Variants in DLGAP1 observed in about 807,000 individuals in gnomAD.
DLGAP1 encodes DLG associated protein 1.
Under a neutral mutation model 90.8 loss-of-function variants are expected in DLGAP1, and 11 were observed. The observed-to-expected ratio is 0.12, with a 90% confidence interval of 0.08 to 0.20. The LOEUF is 0.20. Ranked by LOEUF, DLGAP1 falls within the 10% of genes least tolerant of loss-of-function variation. The pLI is 1.00. For missense variants in DLGAP1, 1,050 were observed against 1,333.8 expected (o/e 0.79, Z 3.31); for synonymous variants, 558 against 540.7 (o/e 1.03, Z -0.44).
chr18:3,559,265 T>C (rs2053933731), intron 9 of DLGAP1, among the ~76,000 whole-genome samples: 1 of 152,188 alleles, frequency 6.6e-6, no homozygotes, highest in Admixed American at 6.5e-5. Context: ...ACATTTTATT[T>C]TCACATTGAA....
At chr18:4,453,121 G>A (rs1052182434) in intron 1 of DLGAP1, among the ~76,000 whole-genome samples, 3 of 152,008 alleles carry the variant, frequency 2.0e-5, no homozygotes, top group Admixed American at 2.0e-4. Flanking sequence ...TGCGACTAGG[G>A]GTATTGCAAG....
At chr18:3,851,150 T>G (rs1010987667) in intron 4 of DLGAP1, among the ~76,000 whole-genome samples, 5 of 152,084 alleles carry the variant, frequency 3.3e-5, no homozygotes, top group African/African-American at 1.2e-4. Flanking sequence ...GTTCTAGATA[T>G]AGCAGAACTC....
chr18:4,046,658 A>G (rs1437688648), intron 2 of DLGAP1, among the ~76,000 whole-genome samples: 2 of 152,266 alleles, frequency 1.3e-5, no homozygotes, highest in African/African-American at 4.8e-5. Flanking sequence ...TGTTCTCAAT[A>G]GATGTTTTTT....
intron 1 of DLGAP1, among the ~76,000 whole-genome samples, chr18:4,188,622 A>T (rs1420707080): frequency 6.6e-6 from 1 of 152,126 alleles, no homozygotes; most frequent in South Asian, 2.1e-4. Context: ...AGCTTCATCC[A>T]TGTCCCCGCA....
chr18:3,505,686 T>C, intron 11 of DLGAP1, among the ~76,000 whole-genome samples: 1 of 151,738 alleles, frequency 6.6e-6, no homozygotes. Flanking sequence ...TGTGTTCTTT[T>C]TGAGCATGTA....
intron 2 of DLGAP1, among the ~76,000 whole-genome samples, chr18:4,081,047 C>T (rs2075600407): frequency 6.6e-6 from 1 of 151,996 alleles, no homozygotes; most frequent in African/African-American, 2.4e-5. Context: ...CACCACCACG[C>T]CCAGATAATT....
intron 2 of DLGAP1, among the ~76,000 whole-genome samples, chr18:4,025,159 T>C (rs911359410): frequency 2.0e-5 from 3 of 151,974 alleles, no homozygotes; most frequent in Non-Finnish European, 4.4e-5. Flanking sequence ...TGAGTGTGCA[T>C]AGGTGGAGTG....
chr18:3,548,346 T>C (rs966391455), intron 9 of DLGAP1, among the ~76,000 whole-genome samples: 4 of 151,758 alleles, frequency 2.6e-5, no homozygotes, highest in African/African-American at 9.7e-5. Flanking sequence ...AACATCTCAA[T>C]AGATGTCAAA....
intron 1 of DLGAP1, among the ~76,000 whole-genome samples, chr18:4,248,889 T>A (rs2145181383): frequency 6.6e-6 from 1 of 152,320 alleles, no homozygotes; most frequent in Middle Eastern, 3.4e-3. Flanking sequence ...TCACTCCCAC[T>A]GCTTCAGGGC....
At chr18:3,525,520 C>T (rs1366162579) in intron 10 of DLGAP1, among the ~76,000 whole-genome samples, 1 of 152,220 alleles carries the variant, frequency 6.6e-6, no homozygotes, top group East Asian at 1.9e-4. Flanking sequence ...CTTCCTCAGC[C>T]TCCCGAGTAG....
chr18:4,015,571 A>G lies in DLGAP1; in HGVS notation c.-158-10370T>C, dbSNP rs972840301. On this transcript the variant is annotated intron_variant, in intron 2 of 12. Coordinates refer to ENST00000315677, the MANE Select transcript of DLGAP1 (RefSeq NM_004746.4). ...TCCTGTTTGCTTTTAGGGAAAATTT[A>G]AAAAAGTTTCCCATGACACCTGCCT... Among the ~76,000 whole-genome samples the G allele has an allele frequency of 1.1e-4, 16 of 152,194 alleles. No individual in the cohort carries two copies. The South Asian group carries it at 1.7e-3, about 16-fold the overall frequency.
intron 3 of DLGAP1, among the ~76,000 whole-genome samples, chr18:3,909,124 C>CT (rs1405355908): frequency 5.9e-5 from 9 of 152,106 alleles, no homozygotes; most frequent in African/African-American, 2.2e-4. Flanking sequence ...CAAAAATTAC[C>CT]TGAGTGTTTG....
chr18:4,329,093 A>G (rs1171646247), intron 1 of DLGAP1, among the ~76,000 whole-genome samples: 1 of 151,950 alleles, frequency 6.6e-6, no homozygotes, highest in East Asian at 1.9e-4. Context: ...TTGCCTCACC[A>G]AAACTCACAA....
rs1423438893 is a variant in DLGAP1 at position 4,034,028 on chromosome 18, C to T, written c.-158-28827G>A. Among the ~76,000 whole-genome samples, 17 of 148,122 alleles carry T rather than the reference C, an allele frequency of 1.1e-4. No individual in the cohort carries two copies. The East Asian group carries it at 1.8e-3, about 15-fold the overall frequency. On this transcript the variant is annotated intron_variant, in intron 2 of 12. Coordinates refer to ENST00000315677, the MANE Select transcript of DLGAP1 (RefSeq NM_004746.4). ...CTGGGATGAGGGGCATGAGCCACCG[C>T]GCCCGGCCCTTTTTTTTTTTTTTTT...
intron 7 of DLGAP1, among the ~76,000 whole-genome samples, chr18:3,651,915 G>A (rs112093093): frequency 0.013 from 1,925 of 152,084 alleles, 31 homozygotes; most frequent in South Asian, 0.037. Context: ...AGGTTGCAGC[G>A]AGCCGAGATC....
intron 2 of DLGAP1, among the ~76,000 whole-genome samples, chr18:4,078,802 T>C (rs9303939): frequency 0.58 from 88,174 of 151,990 alleles, 26,366 homozygotes; most frequent in Non-Finnish European, 0.66. Flanking sequence ...AGTCCATGTT[T>C]CCTTGAAACT....
chr18:4,116,023 T>C (rs2076058228), intron 2 of DLGAP1, among the ~76,000 whole-genome samples: 1 of 152,224 alleles, frequency 6.6e-6, no homozygotes, highest in Admixed American at 6.5e-5. Context: ...AATTATTCTC[T>C]GGTGTGGTTT....
intron 3 of DLGAP1, among the ~76,000 whole-genome samples, chr18:3,941,544 G>A (rs1197282195): frequency 6.6e-6 from 1 of 152,214 alleles, no homozygotes; most frequent in African/African-American, 2.4e-5. Context: ...AAAGGACAAA[G>A]AGGAAAATTA....
At chr18:4,226,060 A>AT (rs561011733) in intron 1 of DLGAP1, among the ~76,000 whole-genome samples, 81 of 152,330 alleles carry the variant, frequency 5.3e-4, no homozygotes, top group Middle Eastern at 3.4e-3. Flanking sequence ...AAGGAACCAA[A>AT]TAACATACAA....
Sources: gnomAD v4.1 joint callset for allele counts (sites outside exome capture counted in the v4.1 genomes callset) on GRCh38, gnomAD v4.1.1 for gene constraint, MANE v1.5 for transcripts, NCBI Gene and HGNC (gene_info 2026-07-23, HGNC 2026-07-21) for gene names.